The following RABGAP1L variants were observed in gnomAD, a reference collection of about 807,000 sequenced individuals.
RABGAP1L encodes the protein rab GTPase-activating protein 1-like.
A neutral mutation model predicts 137.7 loss-of-function variants in RABGAP1L; 63 were observed. The ratio of observed to expected loss-of-function variants is 0.46; its 90% CI spans 0.37 to 0.56. The LOEUF (loss-of-function observed/expected upper bound fraction) is 0.56, where lower values mean the gene tolerates loss of function less well. Among genes scored for constraint, RABGAP1L ranks in the 20% least tolerant of loss-of-function variants. The pLI, the probability that RABGAP1L is intolerant of heterozygous loss-of-function variation, is 0.00. For missense variants in RABGAP1L, 1,095 were observed against 1,244.0 expected, an observed-to-expected ratio of 0.88 and a Z score of 1.80; for synonymous variants, 431 against 433.7, an observed-to-expected ratio of 0.99 and a Z score of 0.08.
chr1:174,431,917 T>C (rs1652680028), intron 13 of RABGAP1L, among the ~76,000 whole-genome samples: 1 of 152,180 alleles, frequency 6.6e-6, no homozygotes, highest in African/African-American at 2.4e-5. Context: ...AAACAATTTT[T>C]TTTTAAAAAC....
chr1:174,452,310 T>G (rs1655535956), intron 13 of RABGAP1L, among the ~76,000 whole-genome samples: 1 of 152,180 alleles, frequency 6.6e-6, no homozygotes, highest in Non-Finnish European at 1.5e-5. Context: ...AGCTTCATAA[T>G]TGACACTATT....
intron 1 of RABGAP1L, among the ~76,000 whole-genome samples, chr1:174,163,627 CCAA>C (rs1431588284): frequency 6.7e-6 from 1 of 149,496 alleles, no homozygotes; most frequent in Non-Finnish European, 1.5e-5. Context: ...AAAAAAAAAC[CCAA>C]CAACAACACA....
intron 13 of RABGAP1L, among the ~76,000 whole-genome samples, chr1:174,557,967 C>T (rs1237700058): frequency 6.6e-6 from 1 of 152,224 alleles, no homozygotes; most frequent in Non-Finnish European, 1.5e-5. Flanking sequence ...AAAGAAAGCA[C>T]TCCAGCTTAA....
chr1:174,662,425 G>C (rs1572721726), intron 14 of RABGAP1L, among the ~76,000 whole-genome samples: 2 of 148,880 alleles, frequency 1.3e-5, no homozygotes, highest in East Asian at 2.0e-4. Flanking sequence ...TTGTTTGTTT[G>C]TTTGTTTTTG....
At chr1:174,414,170 A>AT (rs1021748600) in intron 13 of RABGAP1L, among the ~76,000 whole-genome samples, 1 of 151,888 alleles carries the variant, frequency 6.6e-6, no homozygotes, top group African/African-American at 2.4e-5. Context: ...TTTTTTCTTA[A>AT]TTTTTTTGAT....
At chr1:174,527,204 G>GTTTTTTTT (rs57011947) in intron 13 of RABGAP1L, among the ~76,000 whole-genome samples, 1 of 119,658 alleles carries the variant, frequency 8.4e-6, no homozygotes, top group Non-Finnish European at 1.7e-5. Flanking sequence ...TTTTTATTTT[G>GTTTTTTTT]TTTTTTTTTT....
chr1:174,586,109 G>T (rs1669093021), intron 13 of RABGAP1L, among the ~76,000 whole-genome samples: 1 of 152,044 alleles, frequency 6.6e-6, no homozygotes, highest in South Asian at 2.1e-4. Context: ...CAATAACAAA[G>T]ACATGGAATC....
intron 13 of RABGAP1L, among the ~76,000 whole-genome samples, chr1:174,400,697 C>G (rs1366688110): frequency 4.6e-5 from 7 of 152,034 alleles, no homozygotes; most frequent in African/African-American, 1.7e-4. Flanking sequence ...GAACTAACCT[C>G]TTCTCTTTTT....
At chr1:174,430,628 C>T (rs893375741) in intron 13 of RABGAP1L, among the ~76,000 whole-genome samples, 2 of 152,112 alleles carry the variant, frequency 1.3e-5, no homozygotes, top group Admixed American at 6.6e-5. Context: ...GCAGAAAAAT[C>T]CAAATTTCAC....
At chr1:174,731,711 A>G (rs971880020) in intron 17 of RABGAP1L, among the ~76,000 whole-genome samples, 1 of 152,148 alleles carries the variant, frequency 6.6e-6, no homozygotes, top group African/African-American at 2.4e-5. Context: ...TCCAGTCCTA[A>G]AAGGCTAGAT....
chr1:174,561,674 GA>G, intron 13 of RABGAP1L, among the ~76,000 whole-genome samples: 1 of 152,242 alleles, frequency 6.6e-6, no homozygotes, highest in East Asian at 1.9e-4. Flanking sequence ...TAGACCAATG[GA>G]ACAGAACAGA....
At chr1:174,266,029 T>C (rs1301062312) in intron 7 of RABGAP1L, among the ~76,000 whole-genome samples, 2 of 152,168 alleles carry the variant, frequency 1.3e-5, no homozygotes, top group African/African-American at 2.4e-5. Flanking sequence ...TAACCAATTT[T>C]TAAATCTGGA....
At chr1:174,380,725 C>G (rs1165997047) in intron 12 of RABGAP1L, among the ~76,000 whole-genome samples, 1 of 127,808 alleles carries the variant, frequency 7.8e-6, no homozygotes, top group Admixed American at 8.0e-5. Context: ...TTTGTTGATC[C>G]TTTCAAAAAA....
chr1:174,442,198 A>T (rs1334675793), intron 13 of RABGAP1L, among the ~76,000 whole-genome samples: 1 of 151,896 alleles, frequency 6.6e-6, no homozygotes, highest in African/African-American at 2.4e-5. Flanking sequence ...ACATTCACGA[A>T]TATTTATCAA....
chr1:174,197,127 C>T (rs571532319), intron 1 of RABGAP1L, among the ~76,000 whole-genome samples: 1 of 152,230 alleles, frequency 6.6e-6, no homozygotes, highest in African/African-American at 2.4e-5. Context: ...GGCACTGTGC[C>T]CAGTGCTTTA....
rs1013500763 is a variant in RABGAP1L at position 174,477,358 on chromosome 1, T to A, written c.1710+83213T>A. The stretch of plus-strand genomic sequence containing the variant: ...TTGTTCTCTTCTTGGTTGTGGCTAC[T>A]GTTATGATGTTCATATATAGTAATC... On this transcript the variant is annotated intron_variant, in intron 13 of 25. Transcript: ENST00000681986. Among the ~76,000 whole-genome samples, 103 of 152,348 alleles carry A rather than the reference T, an allele frequency of 6.8e-4. 1 individual carries two copies. Among genetic ancestry groups the A allele is most frequent in the African/African-American group, 2.3e-3 (95 of 41,596 alleles).
chr1:174,586,644 C>T (rs1254184355), intron 13 of RABGAP1L, among the ~76,000 whole-genome samples: 1 of 152,130 alleles, frequency 6.6e-6, no homozygotes, highest in African/African-American at 2.4e-5. Flanking sequence ...ATTGCCCAGG[C>T]TGGAGTGCAA....
intron 1 of RABGAP1L, among the ~76,000 whole-genome samples, chr1:174,165,811 T>C (rs1344828986): frequency 6.6e-6 from 1 of 152,142 alleles, no homozygotes; most frequent in Non-Finnish European, 1.5e-5. Context: ...TGAACTATGC[T>C]TTGAAGAATG....
At chr1:174,335,673 G>C (rs1681409563) in intron 11 of RABGAP1L, among the ~76,000 whole-genome samples, 1 of 152,156 alleles carries the variant, frequency 6.6e-6, no homozygotes, top group South Asian at 2.1e-4. Context: ...CTGTTTGTTG[G>C]TCTCATACTT....
Sources: allele counts gnomAD v4.1 joint callset (sites outside exome capture counted in the v4.1 genomes callset), GRCh38; gene constraint gnomAD v4.1.1; transcripts MANE v1.5; gene names NCBI Gene and HGNC (gene_info 2026-07-23, HGNC 2026-07-21).